Variants in UBR3 observed in about 807,000 individuals in gnomAD.
The protein encoded by UBR3 is E3 ubiquitin-protein ligase UBR3.
A neutral mutation model predicts 243.2 loss-of-function variants in UBR3; 85 were observed. The ratio of observed to expected loss-of-function variants is 0.35; its 90% CI spans 0.29 to 0.42. The LOEUF (loss-of-function observed/expected upper bound fraction) is 0.42. Ranked by LOEUF, UBR3 falls within the 10% of genes least tolerant of loss-of-function variation. The probability of loss-of-function intolerance (pLI) is 1.00; values close to 1 mark genes in which losing one functional copy is unlikely to be tolerated. For synonymous variants in UBR3, 748 were observed against 799.8 expected, an observed-to-expected ratio of 0.94 and a Z score of 1.09; for missense variants, 1,686 against 2,300.8, an observed-to-expected ratio of 0.73 and a Z score of 5.47.
chr2:170,020,468 A>G (rs111251488), intron 30 of UBR3, among the ~76,000 whole-genome samples: 1 of 152,178 alleles, frequency 6.6e-6, no homozygotes, highest in African/African-American at 2.4e-5. Flanking sequence ...GATCATAAGC[A>G]TGTGCTTAGG....
At chr2:170,048,416 T>C (rs571552193) in intron 32 of UBR3, among the ~76,000 whole-genome samples, 15 of 152,316 alleles carry the variant, frequency 9.8e-5, no homozygotes, top group African/African-American at 3.6e-4. Flanking sequence ...ACGCAACCCA[T>C]GAAGAGGCAT....
chr2:169,931,869 T>A (rs900813164), intron 18 of UBR3, among the ~76,000 whole-genome samples: 3 of 152,166 alleles, frequency 2.0e-5, no homozygotes, highest in African/African-American at 7.2e-5. Flanking sequence ...AATAATTACA[T>A]AATTATTAAA....
At position 169,925,628 on chromosome 2, in the gene UBR3, G is replaced by C. The variant is rs1343694448; in HGVS notation, c.2032G>C (p.Ala678Pro). 1.6e-5 allele frequency: 24 copies of C among 1,547,824 alleles called. No homozygotes were observed. Among genetic ancestry groups the C allele is most frequent in the Non-Finnish European group, 2.0e-5 (23 of 1,145,600 alleles). Residue 678 changes from alanine to proline, a missense_variant, in exon 14 of 39, where the codon GCA becomes CCA. Physicochemically the swap from Ala to Pro is conservative, Grantham distance 27. Around this residue, in one of 8 missense-constraint regions of UBR3, gnomAD observed 346 missense variants for 585.8 expected, o/e 0.59. Coordinates refer to ENST00000272793, the MANE Select transcript of UBR3 (RefSeq NM_172070.4). Reference sequence around the variant, plus strand: ...AATTTACTTTTATTAGGCAAGTCTTGCAGAAATCCACAGCAATATGTGGGT... The same window carrying C: ...AATTTACTTTTATTAGGCAAGTCTTCCAGAAATCCACAGCAATATGTGGGT... ...IHPLQIQASL[A>P]EIHSNMWVRN...
At chr2:170,041,053 G>C in intron 32 of UBR3, 68 bp downstream of exon 32, 1 of 1,447,630 alleles carries the variant, frequency 6.9e-7, no homozygotes. Context: ...AGATTATAGA[G>C]ACAAATAGGC....
rs759731277 is a variant in UBR3, at chr2:169,949,890, C to G, written c.3370C>G (p.Pro1124Ala). 2.5e-6 allele frequency: 4 copies of G among 1,610,770 alleles called. No homozygotes were observed. In the East Asian group the frequency reaches 8.9e-5, roughly 36 times the overall value. ...DIEILIQPEI[P>A]KYSHGDGITA... Reference sequence around the variant, plus strand: ...AGAAATTTTAATCCAACCAGAAATTCCTAAATACAGTCATGGAGATGGTAT... The same window carrying G: ...AGAAATTTTAATCCAACCAGAAATTGCTAAATACAGTCATGGAGATGGTAT... Residue 1124 changes from proline to alanine, a missense_variant, in exon 23 of 39, where the codon CCT (proline) becomes GCT (alanine). By Grantham distance (27) the Pro-to-Ala change is conservative. Coordinates refer to ENST00000272793, the MANE Select transcript of UBR3 (RefSeq NM_172070.4).
intron 1 of UBR3, among the ~76,000 whole-genome samples, chr2:169,829,388 T>C (rs1050400488): frequency 6.6e-6 from 1 of 151,112 alleles, no homozygotes; most frequent in Non-Finnish European, 1.5e-5. Flanking sequence ...AATTTGCTAA[T>C]AATAATAACA....
intron 24 of UBR3, among the ~76,000 whole-genome samples, chr2:169,965,772 T>C (rs920555420): frequency 2.6e-5 from 4 of 152,244 alleles, no homozygotes; most frequent in African/African-American, 9.6e-5. Context: ...ATTGTTTATT[T>C]CCGAAATTTT....
At chr2:169,829,814 T>TACACACACACACACACACAC (rs10530118) in intron 1 of UBR3, among the ~76,000 whole-genome samples, 1 of 149,116 alleles carries the variant, frequency 6.7e-6, no homozygotes, top group Admixed American at 6.7e-5. Flanking sequence ...AGCTAAAAAG[T>TACACACACACACACACACAC]ACACACACAC....
intron 24 of UBR3, chr2:169,964,726 G>T: frequency 5.3e-6 from 2 of 374,506 alleles, no homozygotes; most frequent in Non-Finnish European, 1.1e-5. Context: ...GATAAACAAT[G>T]CTTACAGCTC....
At chr2:169,966,427 A>G (rs1309952385) in intron 24 of UBR3, among the ~76,000 whole-genome samples, 2 of 152,216 alleles carry the variant, frequency 1.3e-5, no homozygotes, top group Admixed American at 6.5e-5. Context: ...GAACAATTTT[A>G]TCCCTGATCC....
At chr2:170,034,294 T>C (rs1378606447) in intron 31 of UBR3, among the ~76,000 whole-genome samples, 2 of 151,980 alleles carry the variant, frequency 1.3e-5, no homozygotes, top group Non-Finnish European at 2.9e-5. Flanking sequence ...TCATACAAAG[T>C]AGTTTCACTG....
intron 31 of UBR3, among the ~76,000 whole-genome samples, chr2:170,032,087 A>G (rs1192837925): frequency 6.6e-6 from 1 of 152,150 alleles, no homozygotes; most frequent in Non-Finnish European, 1.5e-5. Context: ...AAGTTCTTTG[A>G]AAACATTTCT....
At chr2:169,839,204 C>T (rs532138591) in intron 1 of UBR3, among the ~76,000 whole-genome samples, 2 of 152,284 alleles carry the variant, frequency 1.3e-5, no homozygotes, top group South Asian at 2.1e-4. Context: ...ATAATGAAAT[C>T]TTGTCATTTG....
chr2:170,064,587 T>G (rs56657045), intron 35 of UBR3, among the ~76,000 whole-genome samples: 16,870 of 151,954 alleles, frequency 0.11, 1,306 homozygotes, highest in African/African-American at 0.22. Flanking sequence ...AGACAGTTTT[T>G]CCAGCACTAT....
At chr2:169,922,249 A>G (rs541950130) in intron 11 of UBR3, among the ~76,000 whole-genome samples, 1 of 150,604 alleles carries the variant, frequency 6.6e-6, no homozygotes, top group African/African-American at 2.4e-5. Context: ...TCGTGCCACC[A>G]TACTCCACCC....
chr2:169,846,513 C>G (rs1050764700), intron 1 of UBR3, among the ~76,000 whole-genome samples: 15 of 152,048 alleles, frequency 9.9e-5, no homozygotes, highest in Admixed American at 9.8e-4. Flanking sequence ...AGTTCGAGAC[C>G]AGCCTGACCA....
At chr2:169,856,542 C>G (rs1302923111) in intron 1 of UBR3, among the ~76,000 whole-genome samples, 7 of 152,224 alleles carry the variant, frequency 4.6e-5, no homozygotes, top group African/African-American at 1.2e-4. Flanking sequence ...GCCTGGGCAG[C>G]ATTGAGCACT....
intron 17 of UBR3, among the ~76,000 whole-genome samples, chr2:169,928,398 T>C (rs2085988502): frequency 1.3e-5 from 2 of 152,162 alleles, no homozygotes; most frequent in Admixed American, 6.6e-5. Flanking sequence ...AAAAGTTATT[T>C]ACAAAATGGT....
rs577682774 is a variant in UBR3 at position 169,985,847 on chromosome 2, G to A, written c.3635-798G>A. 3.0e-4 allele frequency among the ~76,000 whole-genome samples: 46 copies of A among 151,892 alleles called. 1 individual carries two copies. Among genetic ancestry groups the A allele is most frequent in the Admixed American group, 5.2e-4 (8 of 15,264 alleles). On this transcript the variant is annotated intron_variant, in intron 24 of 38. Transcript: ENST00000272793. ...ACTTGACTTTTTTCTCATTTCTGAC[G>A]TGTATTTTTACATATTTACTTAGAT...
Sources: gnomAD v4.1 joint callset for allele counts (sites outside exome capture counted in the v4.1 genomes callset) on GRCh38, gnomAD v4.1.1 for gene constraint, gnomAD v4.1.1 regional missense constraint, MANE v1.5 for transcripts, NCBI Gene and HGNC (gene_info 2026-07-23, HGNC 2026-07-21) for gene names.